Variants in GIT2 observed in about 807,000 individuals in gnomAD.
GIT2 encodes ARF GTPase-activating protein GIT2.
In GIT2, 32 loss-of-function variants were observed where a neutral mutation model predicts 100.3. That is an observed-to-expected ratio of 0.32 (90% CI 0.24 to 0.43). The LOEUF is 0.43. Ranked by LOEUF, GIT2 falls within the 20% of genes least tolerant of loss-of-function variation. GIT2 has a pLI of 1.00. For missense variants in GIT2, 737 were observed against 975.1 expected, an observed-to-expected ratio of 0.76 and a Z score of 3.25; for synonymous variants, 353 against 364.1, an observed-to-expected ratio of 0.97 and a Z score of 0.35.
chr12:109,933,537 T>C lies in GIT2; in HGVS notation c.2068-347A>G, dbSNP rs1347131712. On this transcript the variant is annotated intron_variant, in intron 19 of 19. Coordinates refer to ENST00000355312, the MANE Select transcript of GIT2 (RefSeq NM_057169.5). This position sits in a 1 kb window ranked among gnomAD's most constrained non-coding sequence, Gnocchi z 4.5. ...TAGCACGACTTGTATATCCTTGTCT[T>C]ATTAAATCAACATTCATGCAGAACA... The C allele has an allele frequency of 8.0e-5, 19 of 238,300 alleles. No homozygotes were observed. In the Admixed American group the frequency reaches 9.5e-4, roughly 12 times the overall value. 14.8% of individuals were successfully genotyped at this position (238,300 alleles called of 1,614,324 possible). A position where few individuals can be genotyped will look rare whatever the true frequency, so the allele number is the denominator to read the frequency against.
In GIT2 at chr12:109,940,865, C is replaced by G. The variant is rs187194504; in HGVS notation, c.1732-1618G>C. Among the ~76,000 whole-genome samples the G allele has an allele frequency of 4.7e-5, 7 of 150,252 alleles. No homozygotes were observed. The East Asian group carries it at 1.4e-3, about 29-fold the overall frequency. ...CTGCACTCCAGCCTGGGTGACAGAG[C>G]TAGACCCTAACTCAAAAAACAAAAC... On this transcript the variant is annotated intron_variant, in intron 16 of 19. Coordinates refer to ENST00000355312, the MANE Select transcript of GIT2 (RefSeq NM_057169.5).
chr12:109,982,983 C>T (rs1417507018), intron 6 of GIT2: 1 of 169,638 alleles, frequency 5.9e-6, no homozygotes, highest in Non-Finnish European at 1.3e-5. Context: ...CCAAACCTTA[C>T]AATTAACTTT....
At chr12:109,937,584 G>T (rs1469969265) in intron 18 of GIT2, among the ~76,000 whole-genome samples, 1 of 152,182 alleles carries the variant, frequency 6.6e-6, no homozygotes, top group Non-Finnish European at 1.5e-5. Flanking sequence ...AGAACAAAAG[G>T]CTAAGTTGGA....
In GIT2 at chr12:109,939,078, G is replaced by A. The variant is rs1217467007; in HGVS notation, c.1814+87C>T. The stretch of plus-strand genomic sequence containing the variant: ...CTGAAAATAGAGAAAAGGGGTGTGT[G>A]TGGTGAACTGCTTCTGCTGGCCCAG... On this transcript the variant is annotated intron_variant, in intron 17 of 19. Transcript: ENST00000355312. 4.6e-5 allele frequency: 35 copies of A among 767,314 alleles called. No individual in the cohort carries two copies. The East Asian group carries it at 5.4e-4, about 12-fold the overall frequency. The allele number at this position is 767,314 out of a possible 1,614,324, so 47.5% of individuals were successfully genotyped here.
chr12:109,949,040 C>T, intron 14 of GIT2: 1 of 580,222 alleles, frequency 1.7e-6, no homozygotes, highest in East Asian at 2.9e-5. Flanking sequence ...ACCACTCATT[C>T]TGTTTCTCTG....
At chr12:109,951,521 A>G (rs578084577) in intron 13 of GIT2, among the ~76,000 whole-genome samples, 46 of 152,368 alleles carry the variant, frequency 3.0e-4, no homozygotes, top group African/African-American at 1.1e-3. Flanking sequence ...GTATTTTCTA[A>G]TAGAACAGGC....
intron 7 of GIT2, among the ~76,000 whole-genome samples, chr12:109,972,869 CTAGAG>C (rs1406497235): frequency 6.6e-6 from 1 of 152,162 alleles, no homozygotes; most frequent in East Asian, 1.9e-4. Context: ...GTCACCCAGA[CTAGAG>C]TACAGTGGTG....
intron 10 of GIT2, 59 bp downstream of exon 10, chr12:109,961,554 G>T: frequency 8.8e-7 from 1 of 1,135,034 alleles, no homozygotes; most frequent in Non-Finnish European, 1.3e-6. Context: ...ACTGAGCCTG[G>T]CAGCTTTTCA....
chr12:109,955,244 C>T (rs1879083792), intron 12 of GIT2, among the ~76,000 whole-genome samples: 1 of 152,118 alleles, frequency 6.6e-6, no homozygotes, highest in Admixed American at 6.5e-5. Context: ...CTGCCTCAGC[C>T]TCCTGAGTAG....
intron 7 of GIT2, among the ~76,000 whole-genome samples, chr12:109,975,706 T>A (rs753251887): frequency 1.3e-5 from 2 of 152,086 alleles, no homozygotes; most frequent in Non-Finnish European, 2.9e-5. Flanking sequence ...TTTTGATGAT[T>A]TGAGTAATTT....
upstream of GIT2, chr12:109,997,324 A>G (rs1319043179): frequency 6.6e-6 from 1 of 152,008 alleles, no homozygotes; most frequent in Non-Finnish European, 1.5e-5. Context: ...CGTTGCAGTG[A>G]GCAGAGATCG....
intron 4 of GIT2, among the ~76,000 whole-genome samples, chr12:109,985,056 C>G (rs987629006): frequency 1.3e-5 from 2 of 152,180 alleles, no homozygotes; most frequent in Admixed American, 6.5e-5. Context: ...CAAATCTAAC[C>G]TAGAATTGTC....
Position 109,948,195 on chromosome 12 carries a change from G to A in GIT2, c.1393-691C>T. On this transcript the variant is annotated intron_variant, in intron 14 of 19. Coordinates refer to ENST00000355312, the MANE Select transcript of GIT2 (RefSeq NM_057169.5). This position sits in a 1 kb window ranked among gnomAD's most constrained non-coding sequence, Gnocchi z 4.3. ...ATATTAACATATCACGAAGAAAACT[G>A]GAAACCTATTGATCTATGGAATTGA... The A allele has an allele frequency of 1.0e-6, 1 of 984,184 alleles. No homozygotes were observed. Among genetic ancestry groups the A allele is most frequent in the Non-Finnish European group, 1.2e-6 (1 of 828,798 alleles). The allele number at this position is 984,184 out of a possible 1,614,324, so 61.0% of individuals were successfully genotyped here.
In GIT2 at chr12:109,951,236, C is replaced by T. The variant is rs1877751119; in HGVS notation, c.1323G>A (p.Glu441=). ...MEVKNALVAS[E]AKIQQLMKVN... ...CCTTCATTAGCTGCTGTATCTTGGC[C>T]TCAGAAGCCACTAGAGCGTTTTTGA... is the stretch of plus-strand genomic sequence containing the variant. Residue 441 remains glutamate (E), a synonymous_variant, in exon 14 of 20, where the codon GAG becomes GAA. Coordinates refer to ENST00000355312, the MANE Select transcript of GIT2 (RefSeq NM_057169.5). 6.2e-7 allele frequency: 1 copy of T among 1,612,752 alleles called. No homozygotes were observed. Among genetic ancestry groups the T allele is most frequent in the African/African-American group, 1.3e-5 (1 of 74,984 alleles).
Position 109,932,359 on chromosome 12 carries a change from T to A in GIT2, c.*619A>T, listed in dbSNP as rs1310690125. On this transcript the variant is annotated 3_prime_UTR_variant, in exon 20 of 20. Coordinates refer to ENST00000355312, the MANE Select transcript of GIT2 (RefSeq NM_057169.5). ...AACATCAAGAGATAGGAGCTTGAGA[T>A]AACAACATTAAATAACAGAACATGT... The A allele has an allele frequency of 6.6e-6, 1 of 152,492 alleles. No individual in the cohort carries two copies. Among genetic ancestry groups the A allele is most frequent in the African/African-American group, 2.4e-5 (1 of 41,440 alleles). 9.4% of individuals were successfully genotyped at this position (152,492 alleles called of 1,614,324 possible). A position where few individuals can be genotyped will look rare whatever the true frequency, so the allele number is the denominator to read the frequency against.
At chr12:109,971,411 T>C (rs919621525) in intron 7 of GIT2, among the ~76,000 whole-genome samples, 3 of 151,956 alleles carry the variant, frequency 2.0e-5, no homozygotes, top group Non-Finnish European at 4.4e-5. Flanking sequence ...CTGCAACCTC[T>C]ACCTCACAGG....
chr12:109,986,790 C>A (rs11069214), intron 4 of GIT2, among the ~76,000 whole-genome samples: 16,828 of 145,472 alleles, frequency 0.12, 1,631 homozygotes, highest in African/African-American at 0.28. Flanking sequence ...AACAAACAAA[C>A]AAAAAAAAAC....
intron 8 of GIT2, among the ~76,000 whole-genome samples, chr12:109,966,057 G>A (rs1208834980): frequency 1.3e-5 from 2 of 148,840 alleles, no homozygotes; most frequent in African/African-American, 4.9e-5. Context: ...GTGCAGTGGC[G>A]CAATCTCAGC....
Position 109,991,653 on chromosome 12 carries a change from T to G in GIT2, c.160A>C (p.Thr54Pro). Reference sequence around the variant, plus strand: ...TGAAGCAGTGTTGGAGGCCACGGTGTGTGTTTCAGATGCCTCACTTGGGAG... The same window carrying G: ...TGAAGCAGTGTTGGAGGCCACGGTGGGTGTTTCAGATGCCTCACTTGGGAG... ...HISQVRHLKHTPWPPTLLQMV... is the reference protein window; with the variant it reads ...HISQVRHLKHPPWPPTLLQMV... The change falls in exon 2 of 20, where the codon ACA becomes CCA. Residue 54 changes from threonine (T) to proline (P), a missense_variant. This residue lies in a region of GIT2 where 266 missense variants were observed against 376.2 expected (regional missense o/e 0.71). Transcript: ENST00000355312. 6.2e-7 allele frequency: 1 copy of G among 1,613,362 alleles called. No individual in the cohort carries two copies. The highest frequency in any genetic ancestry group is 1.1e-5 in the South Asian group (1 of 91,060).
Sources: gnomAD v4.1 joint callset for allele counts (sites outside exome capture counted in the v4.1 genomes callset) on GRCh38, gnomAD v4.1.1 for gene constraint, gnomAD v4.1.1 regional missense constraint, Gnocchi (gnomAD v3.1) non-coding constraint, MANE v1.5 for transcripts, NCBI Gene and HGNC (gene_info 2026-07-23, HGNC 2026-07-21) for gene names.